FMNL2: variants seen among roughly 807,000 people sequenced by gnomAD.
FMNL2 encodes formin like 2.
A neutral mutation model predicts 130.2 loss-of-function variants in FMNL2; 51 were observed. The ratio of observed to expected loss-of-function variants is 0.39; its 90% confidence interval spans 0.31 to 0.49. The LOEUF (loss-of-function observed/expected upper bound fraction) is 0.49. FMNL2 is among the 20% of genes least tolerant of loss of function. The probability of loss-of-function intolerance (pLI) is 0.85; values close to 1 mark genes in which losing one functional copy is unlikely to be tolerated. For synonymous variants in FMNL2, 465 were observed against 467.1 expected (o/e 1.00, Z 0.06); for missense variants, 977 against 1,316.2 (o/e 0.74, Z 3.99).
Position 152,647,793 on chromosome 2 carries a change from C to T in FMNL2, c.3170-3C>T, listed in dbSNP as rs745523869. 1.9e-6 allele frequency: 3 copies of T among 1,613,848 alleles called. No homozygotes were observed. The highest frequency in any genetic ancestry group is 1.1e-5 in the South Asian group (1 of 91,084). On this transcript the variant is annotated splice_region_variant and splice_polypyrimidine_tract_variant and intron_variant, in intron 25 of 25. Coordinates refer to ENST00000288670, the MANE Select transcript of FMNL2 (RefSeq NM_052905.4). ...TCTCTCACTGGCACTCTCCCCTTTA[C>T]AGATCTTAGAAACCAACCATACAGA... is the stretch of plus-strand genomic sequence containing the variant.
intron 1 of FMNL2, among the ~76,000 whole-genome samples, chr2:152,370,405 C>G (rs542282189): frequency 6.6e-6 from 1 of 152,292 alleles, no homozygotes; most frequent in East Asian, 1.9e-4. Context: ...TTAATACCAT[C>G]AAGTTGGGGG....
chr2:152,532,457 G>A (rs1693754377), intron 2 of FMNL2, among the ~76,000 whole-genome samples: 1 of 152,006 alleles, frequency 6.6e-6, no homozygotes, highest in African/African-American at 2.4e-5. Flanking sequence ...CCATTTTTAT[G>A]GGCATATGGC....
At chr2:152,608,003 G>A (rs1201481532) in intron 10 of FMNL2, among the ~76,000 whole-genome samples, 1 of 152,126 alleles carries the variant, frequency 6.6e-6, no homozygotes, top group Non-Finnish European at 1.5e-5. Flanking sequence ...CAGCAGTCCT[G>A]TCATTCTCGG....
intron 1 of FMNL2, among the ~76,000 whole-genome samples, chr2:152,485,424 A>G (rs990418377): frequency 2.0e-5 from 3 of 152,096 alleles, no homozygotes; most frequent in South Asian, 2.1e-4. Context: ...CTGGTGGTGC[A>G]CACCTGTGGT....
chr2:152,374,992 A>C (rs1356865346), intron 1 of FMNL2, among the ~76,000 whole-genome samples: 1 of 152,200 alleles, frequency 6.6e-6, no homozygotes, highest in Non-Finnish European at 1.5e-5. Flanking sequence ...ACTGCTTTTC[A>C]CTGGTGCTAT....
At chr2:152,524,933 T>G (rs1693301578) in intron 2 of FMNL2, among the ~76,000 whole-genome samples, 2 of 152,166 alleles carry the variant, frequency 1.3e-5, no homozygotes, top group Admixed American at 1.3e-4. Context: ...CTTTTTCTAT[T>G]GAAAAAGTTA....
At chr2:152,484,936 G>A (rs1017843991) in intron 1 of FMNL2, among the ~76,000 whole-genome samples, 2 of 152,218 alleles carry the variant, frequency 1.3e-5, no homozygotes, top group African/African-American at 4.8e-5. Context: ...ATGTTCTTGG[G>A]TGTTCACAGT....
rs142324092 is a variant in FMNL2 at position 152,437,789 on chromosome 2, A to G, written c.118-84154A>G. On this transcript the variant is annotated intron_variant, in intron 1 of 25. Transcript: ENST00000288670. ...CCCCTCTTGGGCAGTCTTCAAGCAC[A>G]TCTTGAAGAGTTATATAGTTGGTCT... 3.9e-5 allele frequency among the ~76,000 whole-genome samples: 6 copies of G among 152,344 alleles called. No individual in the cohort carries two copies. In the East Asian group the frequency reaches 1.2e-3, roughly 29 times the overall value.
chr2:152,383,223 G>T (rs1684582137), intron 1 of FMNL2, among the ~76,000 whole-genome samples: 1 of 150,306 alleles, frequency 6.7e-6, no homozygotes, highest in South Asian at 2.1e-4. Context: ...AAGCAAGAGG[G>T]CTCTGGGAAT....
chr2:152,371,864 C>T (rs1020910621), intron 1 of FMNL2, among the ~76,000 whole-genome samples: 4 of 152,054 alleles, frequency 2.6e-5, no homozygotes, highest in Admixed American at 6.6e-5. Context: ...CCTCACCTTG[C>T]GATGGCCTGT....
chr2:152,531,098 C>CTGT (rs1693663125), intron 2 of FMNL2, among the ~76,000 whole-genome samples: 2 of 152,176 alleles, frequency 1.3e-5, no homozygotes, highest in African/African-American at 4.8e-5. Flanking sequence ...GGTAAAACCA[C>CTGT]TGTTGGTTCT....
intron 1 of FMNL2, among the ~76,000 whole-genome samples, chr2:152,433,140 G>A (rs966761177): frequency 7.9e-5 from 12 of 152,106 alleles, no homozygotes; most frequent in African/African-American, 2.9e-4. Flanking sequence ...TATCACAAGA[G>A]CACATTCTTA....
chr2:152,477,837 C>A (rs781706723), intron 1 of FMNL2, among the ~76,000 whole-genome samples: 26 of 152,006 alleles, frequency 1.7e-4, no homozygotes, highest in Non-Finnish European at 3.2e-4. Context: ...TTAGGTAATA[C>A]GTGGTGTATA....
chr2:152,644,807 G>C (rs1411697546), intron 25 of FMNL2, among the ~76,000 whole-genome samples: 1 of 152,150 alleles, frequency 6.6e-6, no homozygotes, highest in Admixed American at 6.5e-5. Flanking sequence ...AATATCATTG[G>C]AAAATGCCAC....
intron 9 of FMNL2, among the ~76,000 whole-genome samples, chr2:152,587,429 T>A (rs1366177432): frequency 6.6e-6 from 1 of 152,218 alleles, no homozygotes; most frequent in Non-Finnish European, 1.5e-5. Flanking sequence ...TGTATGAGAT[T>A]TACCAAAATG....
At chr2:152,485,763 G>A (rs1246345988) in intron 1 of FMNL2, among the ~76,000 whole-genome samples, 1 of 152,180 alleles carries the variant, frequency 6.6e-6, no homozygotes, top group Non-Finnish European at 1.5e-5. Context: ...TTCTGTGCTA[G>A]CGGCATCTCC....
intron 2 of FMNL2, among the ~76,000 whole-genome samples, chr2:152,532,240 A>G (rs774170263): frequency 1.4e-4 from 21 of 152,322 alleles, no homozygotes; most frequent in Middle Eastern, 6.8e-3. Context: ...TGTGCTCAGT[A>G]ACAAAGTAAA....
At chr2:152,394,639 A>G (rs1374179811) in intron 1 of FMNL2, among the ~76,000 whole-genome samples, 1 of 149,966 alleles carries the variant, frequency 6.7e-6, no homozygotes, top group Non-Finnish European at 1.5e-5. Context: ...TTTTTTTTTT[A>G]ATGAAGAATG....
chr2:152,528,751 A>G (rs1252265287), intron 2 of FMNL2, among the ~76,000 whole-genome samples: 1 of 152,212 alleles, frequency 6.6e-6, no homozygotes, highest in Non-Finnish European at 1.5e-5. Flanking sequence ...ACTAAGATGT[A>G]TAATGATTCA....
Sources: allele counts gnomAD v4.1 joint callset (sites outside exome capture counted in the v4.1 genomes callset), GRCh38; gene constraint gnomAD v4.1.1; transcripts MANE v1.5; gene names NCBI Gene and HGNC (gene_info 2026-07-23, HGNC 2026-07-21).